Variants in RALYL observed in about 807,000 individuals in gnomAD.
RALYL encodes RALY RNA binding protein like, also known as RNA-binding Raly-like protein.
Under a neutral mutation model 35.1 loss-of-function variants are expected in RALYL, and 29 were observed. The observed-to-expected ratio is 0.83, with a 90% CI of 0.61 to 1.13. The LOEUF is 1.13. RALYL is among the 50% of genes most tolerant of loss of function. The probability of loss-of-function intolerance (pLI) is 0.00; values close to 1 mark genes in which losing one functional copy is unlikely to be tolerated. For synonymous variants in RALYL, 120 were observed against 127.6 expected, an observed-to-expected ratio of 0.94 and a Z score of 0.40; for missense variants, 359 against 360.4, an observed-to-expected ratio of 1.00 and a Z score of 0.03.
At chr8:84,526,906 G>T (rs1424794171) in intron 1 of RALYL, among the ~76,000 whole-genome samples, 1 of 152,124 alleles carries the variant, frequency 6.6e-6, no homozygotes, top group East Asian at 1.9e-4. Flanking sequence ...AAAAACAGTT[G>T]CTTCATCTAT....
intron 1 of RALYL, among the ~76,000 whole-genome samples, chr8:84,279,884 A>G (rs1257781314): frequency 1.3e-5 from 2 of 152,088 alleles, no homozygotes; most frequent in Admixed American, 1.3e-4. Flanking sequence ...CCTAAATCTC[A>G]TTTGCAGTGT....
At chr8:84,740,342 T>G (rs948298033) in intron 2 of RALYL, among the ~76,000 whole-genome samples, 2 of 151,936 alleles carry the variant, frequency 1.3e-5, no homozygotes, top group Non-Finnish European at 2.9e-5. Flanking sequence ...TGAAGGTTAT[T>G]GTTAAAGGTC....
intron 2 of RALYL, among the ~76,000 whole-genome samples, chr8:84,772,149 A>G (rs950746933): frequency 1.3e-5 from 2 of 152,030 alleles, no homozygotes; most frequent in African/African-American, 4.8e-5. Flanking sequence ...ATGTGTTTAT[A>G]TATGTCAATT....
intron 1 of RALYL, among the ~76,000 whole-genome samples, chr8:84,277,108 G>A (rs533566452): frequency 6.6e-6 from 1 of 152,104 alleles, no homozygotes; most frequent in Non-Finnish European, 1.5e-5. Context: ...TACTGTATTA[G>A]TCTGTTCTCA....
intron 1 of RALYL, among the ~76,000 whole-genome samples, chr8:84,506,811 A>G (rs1435020091): frequency 2.0e-5 from 3 of 151,838 alleles, no homozygotes; most frequent in Non-Finnish European, 4.4e-5. Context: ...TATTTTTTTG[A>G]TTGACCCCTT....
chr8:84,565,332 T>C (rs1000717295), intron 2 of RALYL, among the ~76,000 whole-genome samples: 2 of 151,598 alleles, frequency 1.3e-5, no homozygotes, highest in Non-Finnish European at 3.0e-5. Context: ...TTAAATATCT[T>C]GGCAAATCAA....
intron 8 of RALYL, among the ~76,000 whole-genome samples, chr8:84,908,486 G>A (rs928136481): frequency 1.5e-4 from 23 of 152,000 alleles, no homozygotes; most frequent in Non-Finnish European, 1.2e-4. Context: ...TTCATTTAAC[G>A]TAATGTCCTC....
chr8:84,575,836 G>C (rs1247081245), intron 2 of RALYL, among the ~76,000 whole-genome samples: 3 of 151,844 alleles, frequency 2.0e-5, no homozygotes, highest in Non-Finnish European at 4.4e-5. Flanking sequence ...TTTTAGAAAA[G>C]AGAATATTGA....
At chr8:84,642,865 C>A (rs955524218) in intron 2 of RALYL, among the ~76,000 whole-genome samples, 1 of 151,962 alleles carries the variant, frequency 6.6e-6, no homozygotes, top group African/African-American at 2.4e-5. Flanking sequence ...CACCATCCTA[C>A]TTTATCTCCT....
chr8:84,369,040 TA>T (rs1364251233), intron 1 of RALYL, among the ~76,000 whole-genome samples: 1 of 152,170 alleles, frequency 6.6e-6, no homozygotes, highest in Admixed American at 6.6e-5. Context: ...GCTATATGCA[TA>T]AGGGATTTTG....
chr8:84,879,411 G>A (rs1165813787), intron 7 of RALYL, among the ~76,000 whole-genome samples: 1 of 152,098 alleles, frequency 6.6e-6, no homozygotes, highest in Non-Finnish European at 1.5e-5. Context: ...GCTGCACAAA[G>A]TACTTTCACC....
At chr8:84,457,446 C>T (rs2050262193) in intron 1 of RALYL, among the ~76,000 whole-genome samples, 1 of 151,798 alleles carries the variant, frequency 6.6e-6, no homozygotes, top group African/African-American at 2.4e-5. Context: ...TTGCCTTTTA[C>T]CAAATGTCTT....
At chr8:84,627,752 T>C (rs1193246112) in intron 2 of RALYL, among the ~76,000 whole-genome samples, 1 of 151,972 alleles carries the variant, frequency 6.6e-6, no homozygotes, top group Non-Finnish European at 1.5e-5. Context: ...TTTCCCACCA[T>C]AATGAATGAT....
intron 4 of RALYL, among the ~76,000 whole-genome samples, chr8:84,839,985 G>A (rs2134553264): frequency 6.6e-6 from 1 of 152,246 alleles, no homozygotes; most frequent in Non-Finnish European, 1.5e-5. Flanking sequence ...CATCATCAAA[G>A]ACCAAAGGTA....
chr8:84,570,070 G>T (rs191609943), intron 2 of RALYL, among the ~76,000 whole-genome samples: 3 of 151,896 alleles, frequency 2.0e-5, no homozygotes, highest in Admixed American at 6.6e-5. Context: ...GGTTATTCTG[G>T]CTCTTTTTTG....
intron 2 of RALYL, among the ~76,000 whole-genome samples, chr8:84,592,511 G>C (rs1813524049): frequency 6.6e-6 from 1 of 152,006 alleles, no homozygotes; most frequent in African/African-American, 2.4e-5. Context: ...GGAAGTTTCT[G>C]CCATAATTAC....
chr8:84,431,945 T>A (rs1376749695), intron 1 of RALYL, among the ~76,000 whole-genome samples: 1 of 152,076 alleles, frequency 6.6e-6, no homozygotes, highest in Non-Finnish European at 1.5e-5. Context: ...CAAGCATTGG[T>A]AAGAATGTGG....
intron 1 of RALYL, among the ~76,000 whole-genome samples, chr8:84,434,774 A>G (rs2090480454): frequency 6.6e-6 from 1 of 152,126 alleles, no homozygotes. Flanking sequence ...CCTCCCGAGT[A>G]GCTGAGATCA....
At position 84,250,448 on chromosome 8, in the gene RALYL, C is replaced by T. The variant is rs528783352; in HGVS notation, c.-24+66024C>T. Among the ~76,000 whole-genome samples the T allele has an allele frequency of 1.5e-3, 235 of 151,996 alleles. 1 individual carries two copies. The highest frequency in any genetic ancestry group is 2.5e-3 in the Non-Finnish European group (170 of 67,974). On this transcript the variant is annotated intron_variant, in intron 1 of 8. Coordinates refer to ENST00000521268, the MANE Select transcript of RALYL (RefSeq NM_173848.7). Reference sequence around the variant, plus strand: ...TGGCATGATCTCAGCTCACTGCAACCTCTGCCTCCTGGGTTCAAGCGATTC... The same window carrying T: ...TGGCATGATCTCAGCTCACTGCAACTTCTGCCTCCTGGGTTCAAGCGATTC...
Sources: gnomAD v4.1 joint callset for allele counts (sites outside exome capture counted in the v4.1 genomes callset) on GRCh38, gnomAD v4.1.1 for gene constraint, MANE v1.5 for transcripts, NCBI Gene and HGNC (gene_info 2026-07-23, HGNC 2026-07-21) for gene names.